Variants in C1QTNF7 observed in about 807,000 individuals in gnomAD.
C1QTNF7 encodes the protein complement C1q tumor necrosis factor-related protein 7.
A neutral mutation model predicts 19.6 loss-of-function variants in C1QTNF7; 15 were observed. The ratio of observed to expected loss-of-function variants is 0.76; its 90% CI spans 0.51 to 1.18. The LOEUF (loss-of-function observed/expected upper bound fraction) is 1.18, where lower values mean the gene tolerates loss of function less well. Among genes scored for constraint, C1QTNF7 ranks in the 50% most tolerant of loss-of-function variants. C1QTNF7 has a pLI of 0.00. For synonymous variants in C1QTNF7, 142 were observed against 137.5 expected (o/e 1.03, Z -0.23); for missense variants, 324 against 359.7 (o/e 0.90, Z 0.80).
intron 1 of C1QTNF7, among the ~76,000 whole-genome samples, chr4:15,398,828 G>C (rs569473094): frequency 8.9e-4 from 135 of 152,332 alleles, no homozygotes; most frequent in South Asian, 8.3e-3. Flanking sequence ...AAGTATACTT[G>C]GAAGAAGGCC....
At chr4:15,343,084 T>TTGC (rs1453781525) in intron 1 of C1QTNF7, among the ~76,000 whole-genome samples, 1 of 152,242 alleles carries the variant, frequency 6.6e-6, no homozygotes, top group Non-Finnish European at 1.5e-5. Flanking sequence ...TTAGCTATTC[T>TTGC]TATTAGCTAT....
intron 1 of C1QTNF7, among the ~76,000 whole-genome samples, chr4:15,391,370 G>A (rs1044789167): frequency 6.6e-6 from 1 of 151,966 alleles, no homozygotes; most frequent in African/African-American, 2.4e-5. Context: ...CTTGAGCCAC[G>A]GAATATCCTG....
rs778294904 is a variant in C1QTNF7 at position 15,442,436 on chromosome 4, G to A, written c.507G>A (p.Lys169=). The part of the protein sequence containing the change: ...PEERLPIIFN[K]VLFNEGEHYN... ...AAAGACTACCTATTATATTTAACAAGGTCCTCTTCAACGAGGGAGAGCACT... is the reference window on the plus strand; with the variant it reads ...AAAGACTACCTATTATATTTAACAAAGTCCTCTTCAACGAGGGAGAGCACT... Residue 169 remains lysine, a synonymous_variant, in exon 3 of 3, where the codon AAG becomes AAA. Transcript: ENST00000444304. 4 of 1,614,028 alleles carry A rather than the reference G, an allele frequency of 2.5e-6. No homozygotes were observed. The highest frequency in any genetic ancestry group is 3.3e-5 in the Admixed American group (2 of 60,006).
At chr4:15,434,708 A>G (rs1233992456) in intron 1 of C1QTNF7, among the ~76,000 whole-genome samples, 2 of 152,174 alleles carry the variant, frequency 1.3e-5, no homozygotes, top group Non-Finnish European at 1.5e-5. Context: ...TGCCATACTA[A>G]TAAATGACTC....
At chr4:15,386,943 C>T (rs926786239) in intron 1 of C1QTNF7, among the ~76,000 whole-genome samples, 5 of 152,046 alleles carry the variant, frequency 3.3e-5, no homozygotes, top group African/African-American at 1.2e-4. Flanking sequence ...GAGAGTCCTA[C>T]CAGGAGGGCT....
At chr4:15,386,854 G>A (rs77439179) in intron 1 of C1QTNF7, among the ~76,000 whole-genome samples, 2,626 of 152,278 alleles carry the variant, frequency 0.017, 31 homozygotes, top group Middle Eastern at 0.075. Context: ...TAGACTGGTT[G>A]GGAGAGGCAG....
chr4:15,433,190 A>G (rs1257481577), intron 1 of C1QTNF7, among the ~76,000 whole-genome samples: 2 of 152,106 alleles, frequency 1.3e-5, no homozygotes, highest in Non-Finnish European at 2.9e-5. Flanking sequence ...ATGAACCTTT[A>G]TTTTTTTGGT....
At chr4:15,388,671 A>G (rs1264720389) in intron 1 of C1QTNF7, among the ~76,000 whole-genome samples, 1 of 152,210 alleles carries the variant, frequency 6.6e-6, no homozygotes, top group Non-Finnish European at 1.5e-5. Flanking sequence ...TGTGGTGGAG[A>G]GGAAGACAAG....
chr4:15,414,065 T>C (rs1207537859), intron 1 of C1QTNF7, among the ~76,000 whole-genome samples: 2 of 152,246 alleles, frequency 1.3e-5, no homozygotes, highest in Admixed American at 6.5e-5. Context: ...TCCTCACTCA[T>C]GGCAGCTATT....
At chr4:15,387,883 C>T (rs1718399714) in intron 1 of C1QTNF7, among the ~76,000 whole-genome samples, 1 of 151,988 alleles carries the variant, frequency 6.6e-6, no homozygotes, top group Non-Finnish European at 1.5e-5. Flanking sequence ...ATACATTATC[C>T]TTCAAAGAGA....
intron 1 of C1QTNF7, among the ~76,000 whole-genome samples, chr4:15,357,807 G>A (rs1055825513): frequency 1.5e-4 from 23 of 152,200 alleles, no homozygotes; most frequent in Middle Eastern, 3.4e-3. Context: ...CACATCCCTC[G>A]TAAGTTGTAT....
intron 1 of C1QTNF7, chr4:15,358,101 C>T (rs182185874): frequency 6.6e-6 from 1 of 152,268 alleles, no homozygotes; most frequent in East Asian, 1.9e-4. Flanking sequence ...ATTGCCCTGG[C>T]CAGAACTTCC....
At chr4:15,407,154 A>C (rs1719220005) in intron 1 of C1QTNF7, among the ~76,000 whole-genome samples, 1 of 152,134 alleles carries the variant, frequency 6.6e-6, no homozygotes, top group Non-Finnish European at 1.5e-5. Context: ...CTGGGCATGG[A>C]AAAAGTGTGT....
upstream of C1QTNF7, among the ~76,000 whole-genome samples, chr4:15,425,926 A>G (rs894246230): frequency 1.3e-5 from 2 of 152,184 alleles, no homozygotes; most frequent in African/African-American, 2.4e-5. Context: ...ACAATTCTAC[A>G]TTCTATAACT....
intron 1 of C1QTNF7, among the ~76,000 whole-genome samples, chr4:15,406,650 A>C (rs1188740745): frequency 6.6e-6 from 1 of 152,236 alleles, no homozygotes; most frequent in Non-Finnish European, 1.5e-5. Flanking sequence ...AATTAAAAAC[A>C]ACCATACCAT....
intron 1 of C1QTNF7, among the ~76,000 whole-genome samples, chr4:15,340,754 G>T (rs530979239): frequency 6.6e-6 from 1 of 152,020 alleles, no homozygotes; most frequent in African/African-American, 2.4e-5. Flanking sequence ...TAATTGACAC[G>T]GGAGGATGTT....
At chr4:15,366,703 G>A (rs556790841) in intron 1 of C1QTNF7, among the ~76,000 whole-genome samples, 2 of 151,642 alleles carry the variant, frequency 1.3e-5, no homozygotes, top group East Asian at 3.9e-4. Flanking sequence ...AATAACATGG[G>A]ACTTAGATGT....
At chr4:15,431,864 G>A (rs1395001470) in intron 1 of C1QTNF7, among the ~76,000 whole-genome samples, 5 of 152,200 alleles carry the variant, frequency 3.3e-5, no homozygotes, top group Non-Finnish European at 7.3e-5. Context: ...ATTAGCTACT[G>A]AGTTAGAAGT....
rs76015220 is a variant in C1QTNF7 at position 15,417,048 on chromosome 4, A to T, written c.14-18688A>T. ...ATGTTATAAAGAAATTTAAAAAATT[A>T]TAAATTTAGCTAAATACCCACCTTT... On this transcript the variant is annotated intron_variant, in intron 1 of 2. Coordinates refer to the C1QTNF7 transcript ENST00000295297. 1.1e-3 allele frequency among the ~76,000 whole-genome samples: 162 copies of T among 152,354 alleles called. 2 individuals carry two copies. In the East Asian group the frequency reaches 0.028, roughly 26 times the overall value.
Sources: allele counts gnomAD v4.1 joint callset (sites outside exome capture counted in the v4.1 genomes callset), GRCh38; gene constraint gnomAD v4.1.1; transcripts MANE v1.5; gene names NCBI Gene and HGNC (gene_info 2026-07-23, HGNC 2026-07-21).